The following TRIP12 variants were observed in gnomAD, a reference collection of about 807,000 sequenced individuals.
TRIP12 encodes thyroid hormone receptor interactor 12, also known as E3 ubiquitin-protein ligase TRIP12.
Under a neutral mutation model 244.2 loss-of-function variants are expected in TRIP12, and 25 were observed. That is an observed-to-expected ratio of 0.10 (90% CI 0.07 to 0.14). The LOEUF is 0.14. TRIP12 is among the 10% of genes least tolerant of loss of function. The pLI is 1.00. For missense variants in TRIP12, 1,677 were observed against 2,486.4 expected, an observed-to-expected ratio of 0.67 and a Z score of 6.92; for synonymous variants, 905 against 873.1, an observed-to-expected ratio of 1.04 and a Z score of -0.64.
intron 1 of TRIP12, among the ~76,000 whole-genome samples, chr2:229,888,205 A>T (rs2066464430): frequency 6.6e-6 from 1 of 152,218 alleles, no homozygotes; most frequent in South Asian, 2.1e-4. Context: ...ATTTAGTGTT[A>T]ATCATATAAA....
intron 8 of TRIP12, among the ~76,000 whole-genome samples, chr2:229,827,436 G>C (rs115035348): frequency 1.4e-4 from 21 of 152,116 alleles, no homozygotes; most frequent in Non-Finnish European, 2.6e-4. Context: ...TATATCCATA[G>C]AGTATAAGCT....
chr2:229,769,326 CTG>C lies in TRIP12; in HGVS notation c.5809-3_5809-2del. 1 of 1,613,666 alleles carries C rather than the reference CTG, an allele frequency of 6.2e-7. No individual in the cohort carries two copies. The highest frequency in any genetic ancestry group is 8.5e-7 in the Non-Finnish European group (1 of 1,179,882). On this transcript the variant is annotated splice_acceptor_variant and splice_polypyrimidine_tract_variant and intron_variant, in intron 39 of 41. Transcript: ENST00000675903. LOFTEE classifies it high-confidence loss of function. The stretch of plus-strand genomic sequence containing the variant: ...TACTGCCACAAAGGAGCTGATCCAG[CTG>C]TGAGTTTAAATAAGGGTAAAAAGAA...
chr2:229,900,118 A>G (rs1015469079), intron 1 of TRIP12, among the ~76,000 whole-genome samples: 4 of 152,238 alleles, frequency 2.6e-5, no homozygotes, highest in African/African-American at 9.6e-5. Flanking sequence ...TTAACACACT[A>G]TGTACAGACT....
At chr2:229,843,164 T>C (rs1425113552) in intron 4 of TRIP12, among the ~76,000 whole-genome samples, 1 of 150,488 alleles carries the variant, frequency 6.6e-6, no homozygotes, top group Non-Finnish European at 1.5e-5. Context: ...ATTTATCATT[T>C]ACCTTTATGA....
At chr2:229,844,604 T>C (rs1387718371) in intron 4 of TRIP12, among the ~76,000 whole-genome samples, 2 of 152,300 alleles carry the variant, frequency 1.3e-5, no homozygotes, top group East Asian at 3.9e-4. Context: ...ATGAAATAAG[T>C]AAACTTTCCA....
At chr2:229,909,662 T>G in intron 1 of TRIP12, among the ~76,000 whole-genome samples, 1 of 150,864 alleles carries the variant, frequency 6.6e-6, no homozygotes, top group South Asian at 2.1e-4. Context: ...AGGACCAGCC[T>G]GGGCAACCAA....
intron 39 of TRIP12, among the ~76,000 whole-genome samples, chr2:229,770,463 C>G (rs182070445): frequency 2.6e-5 from 4 of 152,180 alleles, no homozygotes; most frequent in Admixed American, 1.3e-4. Flanking sequence ...GAGATTAAGA[C>G]GTTAAGTTAA....
In TRIP12 at chr2:229,770,855, T is replaced by C. The variant is rs560154959; in HGVS notation, c.5808+664A>G. On this transcript the variant is annotated intron_variant, in intron 39 of 41. Coordinates refer to ENST00000675903, the MANE Select transcript of TRIP12 (RefSeq NM_001348323.3). ...CCGCACAAGCTCTCGTCTTGTCTGCTGCCATGTGAGATGTGCCTTTCACCT... is the reference window on the plus strand; with the variant it reads ...CCGCACAAGCTCTCGTCTTGTCTGCCGCCATGTGAGATGTGCCTTTCACCT... Among the ~76,000 whole-genome samples the C allele has an allele frequency of 8.9e-4, 136 of 152,338 alleles. 1 individual carries two copies. The highest frequency in any genetic ancestry group is 3.1e-3 in the South Asian group (15 of 4,820).
intron 38 of TRIP12, among the ~76,000 whole-genome samples, chr2:229,772,622 C>T (rs1250375622): frequency 2.0e-5 from 3 of 152,112 alleles, no homozygotes; most frequent in Non-Finnish European, 4.4e-5. Context: ...CACCACCACG[C>T]CTGGCTAATT....
chr2:229,766,985 A>T lies in TRIP12; in HGVS notation c.*569T>A, dbSNP rs1044883945. ...GGACAACAGAAGCCCATGGGTAACG[A>T]AAATTTGAGAACTGTGAGTTGTATA... On this transcript the variant is annotated 3_prime_UTR_variant, in exon 42 of 42. Transcript: ENST00000675903. 1.3e-5 allele frequency: 2 copies of T among 152,268 alleles called. No homozygotes were observed. Among genetic ancestry groups the T allele is most frequent in the Admixed American group, 1.3e-4 (2 of 15,286 alleles). 9.4% of individuals were successfully genotyped at this position (152,268 alleles called of 1,614,324 possible). A position where few individuals can be genotyped will look rare whatever the true frequency, so the allele number is the denominator to read the frequency against.
At chr2:229,823,515 A>T (rs2050653336) in intron 8 of TRIP12, among the ~76,000 whole-genome samples, 1 of 152,098 alleles carries the variant, frequency 6.6e-6, no homozygotes, top group East Asian at 1.9e-4. Context: ...TCTACCAAAA[A>T]TAAAAAAAAA....
At position 229,807,796 on chromosome 2, in the gene TRIP12, G is replaced by C; in HGVS notation, c.2408C>G (p.Ala803Gly). ...CCATATCGCACCATCTGTGTTCTGT[G>C]CATTTCCCTTCTTCAACATGGTATC... is the stretch of plus-strand genomic sequence containing the variant. ...AVDTMLKKGN[A>G]QNTDGAIWQW... Residue 803 changes from alanine to glycine, a missense_variant, in exon 17 of 42, where the codon GCA becomes GGA. Physicochemically the swap from Ala to Gly is moderately conservative, Grantham distance 60. Transcript: ENST00000675903. 1 of 1,614,126 alleles carries C rather than the reference G, an allele frequency of 6.2e-7. No individual in the cohort carries two copies. The highest frequency in any genetic ancestry group is 8.5e-7 in the Non-Finnish European group (1 of 1,180,020).
In TRIP12 at chr2:229,778,879, T is replaced by C. The variant is rs1411594092; in HGVS notation, c.5206A>G (p.Lys1736Glu). The part of the protein sequence containing the change: ...RGEEVTLSNP[K>E]GSQEGTKYIQ... The stretch of plus-strand genomic sequence containing the variant: ...CTAACTTACAGATAGGCATTACCTT[T>C]TGGATTGCTAAGAGTTACTTCTTCA... Residue 1736 changes from lysine (K) to glutamate (E), a missense_variant, in exon 35 of 42, where the codon AAA (lysine) becomes GAA (glutamate). Physicochemically the swap from Lys to Glu is moderately conservative, Grantham distance 56. Around this residue, in one of 11 missense-constraint regions of TRIP12, gnomAD observed 18 missense variants for 16.8 expected, o/e 1.07. Coordinates refer to ENST00000675903, the MANE Select transcript of TRIP12 (RefSeq NM_001348323.3). The surrounding 1 kb of genome is among the most constrained non-coding windows in gnomAD (Gnocchi z 4.1). The C allele has an allele frequency of 6.2e-7, 1 of 1,613,752 alleles. No homozygotes were observed. Among genetic ancestry groups the C allele is most frequent in the Admixed American group, 1.7e-5 (1 of 60,018 alleles).
chr2:229,913,204 T>C (rs988859787), intron 1 of TRIP12, among the ~76,000 whole-genome samples: 1 of 152,196 alleles, frequency 6.6e-6, no homozygotes, highest in African/African-American at 2.4e-5. Flanking sequence ...CCACAAATCA[T>C]GCCCTAATTC....
chr2:229,778,425 A>C lies in TRIP12; in HGVS notation c.5364+8T>G. On this transcript the variant is annotated splice_region_variant and intron_variant, in intron 36 of 41. Transcript: ENST00000675903. This position sits in a 1 kb window ranked among gnomAD's most constrained non-coding sequence, Gnocchi z 4.1. ...AAAACTGCAAAAAGCAAACCATCCT[A>C]AACTTACCAATCTGAAATCCATGAT... 8.1e-6 allele frequency: 13 copies of C among 1,613,858 alleles called. No individual in the cohort carries two copies. Among genetic ancestry groups the C allele is most frequent in the Non-Finnish European group, 1.1e-5 (13 of 1,179,774 alleles).
chr2:229,888,744 A>T (rs1203559385), intron 1 of TRIP12, among the ~76,000 whole-genome samples: 1 of 152,186 alleles, frequency 6.6e-6, no homozygotes, highest in Admixed American at 6.5e-5. Flanking sequence ...CGGAGGTTGC[A>T]GCGAGCCAAG....
intron 4 of TRIP12, among the ~76,000 whole-genome samples, chr2:229,858,527 GAC>G (rs1404297856): frequency 6.6e-6 from 1 of 152,158 alleles, no homozygotes; most frequent in Non-Finnish European, 1.5e-5. Context: ...GACCAATAAA[GAC>G]ACAGACACTA....
At chr2:229,833,378 C>A (rs1292346979) in intron 6 of TRIP12, among the ~76,000 whole-genome samples, 1 of 152,170 alleles carries the variant, frequency 6.6e-6, no homozygotes. Flanking sequence ...ACTTCCGCCT[C>A]CAGGGCTCAA....
At chr2:229,795,405 T>C in intron 25 of TRIP12, 75 bp from the exon 26 acceptor site, 1 of 1,488,918 alleles carries the variant, frequency 6.7e-7, no homozygotes, top group East Asian at 2.3e-5. Context: ...GAAGATTTAA[T>C]AAGCAGCTTT....
Sources: allele counts gnomAD v4.1 joint callset (sites outside exome capture counted in the v4.1 genomes callset), GRCh38; gene constraint gnomAD v4.1.1; regional missense constraint gnomAD v4.1.1; non-coding constraint Gnocchi (gnomAD v3.1); transcripts MANE v1.5; gene names NCBI Gene and HGNC (gene_info 2026-07-23, HGNC 2026-07-21).